The following CDK14 variants were observed in gnomAD, a reference collection of about 807,000 sequenced individuals.
The protein encoded by CDK14 is cyclin-dependent kinase 14.
CDK14 carries 34 observed loss-of-function variants against 60.7 expected under a neutral mutation model. That is an observed-to-expected ratio of 0.56 (90% CI 0.43 to 0.75). The LOEUF (loss-of-function observed/expected upper bound fraction) is 0.75. Among genes scored for constraint, CDK14 ranks in the 30% least tolerant of loss-of-function variants. The pLI is 0.00. For synonymous variants in CDK14, 197 were observed against 203.7 expected (o/e 0.97, Z 0.28); for missense variants, 482 against 564.1 (o/e 0.85, Z 1.47).
At chr7:90,781,168 G>A (rs1241065695) in intron 4 of CDK14, among the ~76,000 whole-genome samples, 1 of 152,228 alleles carries the variant, frequency 6.6e-6, no homozygotes, top group Admixed American at 6.5e-5. Flanking sequence ...GATAGCCAGT[G>A]ATAGTGAGCA....
At chr7:90,893,307 A>G (rs1455516561) in intron 6 of CDK14, among the ~76,000 whole-genome samples, 1 of 152,160 alleles carries the variant, frequency 6.6e-6, no homozygotes, top group African/African-American at 2.4e-5. Flanking sequence ...AGGAAAGAGG[A>G]GATGTTAGCC....
chr7:90,722,781 A>G (rs1802504965), intron 2 of CDK14, among the ~76,000 whole-genome samples: 1 of 152,152 alleles, frequency 6.6e-6, no homozygotes, highest in African/African-American at 2.4e-5. Flanking sequence ...ACCTGACTCA[A>G]AGTATGTATT....
chr7:91,058,245 C>T (rs1246235340), intron 11 of CDK14, among the ~76,000 whole-genome samples: 3 of 152,002 alleles, frequency 2.0e-5, no homozygotes, highest in African/African-American at 4.8e-5. Context: ...CTGATTTTTG[C>T]ACATTGATTT....
chr7:90,963,391 G>A (rs148480854), intron 9 of CDK14, among the ~76,000 whole-genome samples: 281 of 151,858 alleles, frequency 1.9e-3, no homozygotes, highest in Admixed American at 3.1e-3. Context: ...CTCCAGCCTG[G>A]CCCCAAGAGT....
At chr7:91,156,084 C>G (rs1266846206) in intron 14 of CDK14, among the ~76,000 whole-genome samples, 1 of 152,190 alleles carries the variant, frequency 6.6e-6, no homozygotes, top group Non-Finnish European at 1.5e-5. Flanking sequence ...CTTGTTGGCA[C>G]TCATTTATCA....
rs1021524985 is a variant in CDK14 at position 90,635,627 on chromosome 7, G to A, written c.123+31378G>A. Among the ~76,000 whole-genome samples, 16 of 152,048 alleles carry A rather than the reference G, an allele frequency of 1.1e-4. No homozygotes were observed. In the South Asian group the frequency reaches 1.5e-3, roughly 14 times the overall value. On this transcript the variant is annotated intron_variant, in intron 2 of 14. Transcript: ENST00000380050. ...GACTTGGCAATGCGGGCTCTTTTTT[G>A]GTTCCATATGAACTTTAAAGTAGTT... is the stretch of plus-strand genomic sequence containing the variant.
intron 10 of CDK14, among the ~76,000 whole-genome samples, chr7:91,003,553 T>C (rs1795898782): frequency 6.6e-6 from 1 of 152,210 alleles, no homozygotes; most frequent in Admixed American, 6.5e-5. Context: ...TTCAGGTTCC[T>C]GGGTTTCTTT....
At chr7:90,778,318 C>T (rs906942308) in intron 4 of CDK14, among the ~76,000 whole-genome samples, 3 of 152,180 alleles carry the variant, frequency 2.0e-5, no homozygotes, top group African/African-American at 7.2e-5. Flanking sequence ...TTATAATTTC[C>T]GTATCCCAAT....
At chr7:90,904,708 G>T (rs1031506128) in intron 7 of CDK14, among the ~76,000 whole-genome samples, 1 of 152,074 alleles carries the variant, frequency 6.6e-6, no homozygotes, top group Admixed American at 6.6e-5. Context: ...AAATGTATAG[G>T]ATTGAGTTTT....
rs765001934 is a variant in CDK14, at chr7:90,955,717, G to A, written c.847G>A (p.Val283Ile). Reference sequence around the variant, plus strand: ...CACAGGTCTTGCAAGAGCAAAATCCGTCCCTAGCCACACATACTCCAACGA... The same window carrying A: ...CACAGGTCTTGCAAGAGCAAAATCCATCCCTAGCCACACATACTCCAACGA... The part of the protein sequence containing the change: ...ADFGLARAKS[V>I]PSHTYSNEVV... Residue 283 changes from valine (V) to isoleucine (I), a missense_variant, in exon 9 of 15, where the codon GTC becomes ATC. Coordinates refer to ENST00000380050, the MANE Select transcript of CDK14 (RefSeq NM_001287135.2). 16 of 1,613,152 alleles carry A rather than the reference G, an allele frequency of 9.9e-6. No individual in the cohort carries two copies. Among genetic ancestry groups the A allele is most frequent in the East Asian group, 2.2e-5 (1 of 44,878 alleles).
chr7:91,080,822 C>CTA (rs1212605742), intron 12 of CDK14, among the ~76,000 whole-genome samples: 1 of 152,130 alleles, frequency 6.6e-6, no homozygotes, highest in East Asian at 1.9e-4. Flanking sequence ...AACTATCATA[C>CTA]TGTAGCATAG....
rs570216427 is a variant in CDK14, at chr7:90,660,878, T to C, written c.123+56629T>C. On this transcript the variant is annotated intron_variant, in intron 2 of 14. Transcript: ENST00000380050. ...GGCCCTCCCATGGAAATGCATACAC[T>C]GACCACATGTCTCAGGTGAATGGAC... Among the ~76,000 whole-genome samples the C allele has an allele frequency of 7.2e-5, 11 of 152,326 alleles. No homozygotes were observed. In the South Asian group the frequency reaches 2.3e-3, roughly 32 times the overall value.
intron 8 of CDK14, among the ~76,000 whole-genome samples, chr7:90,919,516 A>G (rs1793181520): frequency 3.9e-5 from 6 of 152,170 alleles, no homozygotes; most frequent in Admixed American, 3.3e-4. Flanking sequence ...TAGAAAATGT[A>G]CAAAGTATAA....
intron 6 of CDK14, among the ~76,000 whole-genome samples, chr7:90,870,239 G>T (rs1260519067): frequency 6.6e-6 from 1 of 152,138 alleles, no homozygotes; most frequent in Non-Finnish European, 1.5e-5. Context: ...ACTAACACAG[G>T]AATAGAAAAC....
chr7:90,672,548 C>G (rs975446601), intron 2 of CDK14, among the ~76,000 whole-genome samples: 4 of 65,984 alleles, frequency 6.1e-5, no homozygotes, highest in Non-Finnish European at 1.1e-4. Flanking sequence ...ATAATTTGGT[C>G]TCACTTTCTT....
intron 11 of CDK14, among the ~76,000 whole-genome samples, chr7:91,052,723 T>C (rs533170311): frequency 5.6e-4 from 86 of 152,334 alleles, no homozygotes; most frequent in African/African-American, 1.9e-3. Context: ...AAAATAATTA[T>C]ATTTTCCAAA....
intron 14 of CDK14, among the ~76,000 whole-genome samples, chr7:91,193,313 G>A (rs56039764): frequency 6.6e-6 from 1 of 152,132 alleles, no homozygotes; most frequent in Non-Finnish European, 1.5e-5. Flanking sequence ...TCTGCATGTA[G>A]TTAAATATAT....
At chr7:90,613,871 T>C (rs1219919217) in intron 2 of CDK14, among the ~76,000 whole-genome samples, 11 of 152,026 alleles carry the variant, frequency 7.2e-5, no homozygotes, top group African/African-American at 2.4e-4. Flanking sequence ...TGGGTTGTGA[T>C]TGGGATGGCT....
chr7:90,674,521 A>G lies in CDK14; in HGVS notation c.124-52046A>G, dbSNP rs548729408. On this transcript the variant is annotated intron_variant, in intron 2 of 14. Coordinates refer to ENST00000380050, the MANE Select transcript of CDK14 (RefSeq NM_001287135.2). ...TTCATTGTGAGAAGAGAAATGAGCT[A>G]TAGACGAACCTCAGTGCTTAATTTG... Among the ~76,000 whole-genome samples, 8 of 152,344 alleles carry G rather than the reference A, an allele frequency of 5.3e-5. No individual in the cohort carries two copies. In the South Asian group the frequency reaches 1.4e-3, roughly 28 times the overall value.
Sources: gnomAD v4.1 joint callset for allele counts (sites outside exome capture counted in the v4.1 genomes callset) on GRCh38, gnomAD v4.1.1 for gene constraint, MANE v1.5 for transcripts, NCBI Gene and HGNC (gene_info 2026-07-23, HGNC 2026-07-21) for gene names.